Variants in TMC1 observed in about 807,000 individuals in gnomAD.
TMC1 encodes transmembrane channel-like protein 1.
In TMC1, 84 loss-of-function variants were observed where a neutral mutation model predicts 105.8. The observed-to-expected ratio is 0.79, with a 90% confidence interval of 0.67 to 0.95. TMC1 has a LOEUF of 0.95. TMC1 is among the 40% of genes least tolerant of loss of function. The pLI is 0.00. For synonymous variants in TMC1, 315 were observed against 311.5 expected (o/e 1.01, Z -0.12); for missense variants, 817 against 914.1 (o/e 0.89, Z 1.37).
At chr9:72,622,619 G>A (rs1825274119) in intron 3 of TMC1, among the ~76,000 whole-genome samples, 1 of 151,996 alleles carries the variant, frequency 6.6e-6, no homozygotes. Flanking sequence ...TCTTCCACTT[G>A]GACCTTGAAT....
chr9:72,599,704 G>A (rs1013582256), intron 2 of TMC1, among the ~76,000 whole-genome samples: 3 of 151,842 alleles, frequency 2.0e-5, no homozygotes, highest in African/African-American at 7.3e-5. Context: ...CAGCTACTCG[G>A]GAGGCTGAGG....
intron 2 of TMC1, among the ~76,000 whole-genome samples, chr9:72,606,406 A>G (rs1197645729): frequency 6.6e-6 from 1 of 152,208 alleles, no homozygotes; most frequent in Admixed American, 6.5e-5. Context: ...CCTCTGCCAC[A>G]TTCTGTTGGT....
chr9:72,704,226 C>T (rs887949696), intron 8 of TMC1, among the ~76,000 whole-genome samples: 1 of 151,336 alleles, frequency 6.6e-6, no homozygotes, highest in Middle Eastern at 3.2e-3. Flanking sequence ...TCTGTGAAAC[C>T]CAAGATACTA....
chr9:72,740,025 T>G, intron 8 of TMC1, 94 bp from the exon 9 acceptor site: 2 of 945,178 alleles, frequency 2.1e-6, no homozygotes, highest in South Asian at 2.8e-5. Context: ...GAAATAAGAC[T>G]GCAGACCTGG....
chr9:72,736,553 T>A (rs1363750953), intron 8 of TMC1, among the ~76,000 whole-genome samples: 1 of 152,218 alleles, frequency 6.6e-6, no homozygotes, highest in Admixed American at 6.5e-5. Flanking sequence ...GTCTTTTAAA[T>A]TATCTGTTAA....
intron 1 of TMC1, among the ~76,000 whole-genome samples, chr9:72,554,579 T>C (rs1823901668): frequency 6.6e-6 from 1 of 152,106 alleles, no homozygotes; most frequent in South Asian, 2.1e-4. Context: ...AGTAATAGAG[T>C]AACAGTGCAC....
Position 72,786,317 on chromosome 9 carries a change from G to C in TMC1, c.885-2022G>C, listed in dbSNP as rs548276161. Among the ~76,000 whole-genome samples the C allele has an allele frequency of 4.9e-3, 751 of 152,212 alleles. 6 individuals are homozygous for C. The highest frequency in any genetic ancestry group is 0.017 in the Middle Eastern group (5 of 294). On this transcript the variant is annotated intron_variant, in intron 13 of 23. Coordinates refer to ENST00000297784, the MANE Select transcript of TMC1 (RefSeq NM_138691.3). ...AAATTAGCCAGGCATGGTGGCGGGCGCCTGTAGTCCCAGCTACTCAGGAGG... is the reference window on the plus strand; with the variant it reads ...AAATTAGCCAGGCATGGTGGCGGGCCCCTGTAGTCCCAGCTACTCAGGAGG...
chr9:72,615,889 G>A lies in TMC1; in HGVS notation c.-305-479G>A, dbSNP rs568556642. On this transcript the variant is annotated intron_variant, in intron 2 of 23. Coordinates refer to ENST00000297784, the MANE Select transcript of TMC1 (RefSeq NM_138691.3). ...GTGCCTTAGCCTCCTGAGTAGCTGGGCTACAGGCGTCCGTCACCACACTCA... is the reference window on the plus strand; with the variant it reads ...GTGCCTTAGCCTCCTGAGTAGCTGGACTACAGGCGTCCGTCACCACACTCA... Among the ~76,000 whole-genome samples, 3 of 151,994 alleles carry A rather than the reference G, an allele frequency of 2.0e-5. No homozygotes were observed. In the East Asian group the frequency reaches 5.8e-4, roughly 30 times the overall value.
intron 3 of TMC1, among the ~76,000 whole-genome samples, chr9:72,618,372 T>C (rs1405259260): frequency 6.6e-6 from 1 of 152,038 alleles, no homozygotes; most frequent in East Asian, 1.9e-4. Context: ...GTTAGTATTT[T>C]CCATAATTAA....
chr9:72,634,828 T>TA, intron 4 of TMC1, among the ~76,000 whole-genome samples: 1 of 152,272 alleles, frequency 6.6e-6, no homozygotes, highest in Admixed American at 6.5e-5. Context: ...AAAAGGAAAT[T>TA]ACAACTCAGG....
chr9:72,668,229 A>C (rs886978883), intron 5 of TMC1, among the ~76,000 whole-genome samples: 4 of 152,160 alleles, frequency 2.6e-5, no homozygotes, highest in African/African-American at 9.7e-5. Context: ...CATTCCTATG[A>C]TGTTATTTGT....
intron 10 of TMC1, among the ~76,000 whole-genome samples, chr9:72,744,228 G>A (rs949681091): frequency 9.9e-5 from 15 of 152,000 alleles, no homozygotes; most frequent in Admixed American, 3.3e-4. Context: ...AACACTTACC[G>A]CTATCTAAAA....
chr9:72,736,809 A>G (rs2118002628), intron 8 of TMC1, among the ~76,000 whole-genome samples: 1 of 152,280 alleles, frequency 6.6e-6, no homozygotes, highest in East Asian at 1.9e-4. Context: ...TCCCGACACT[A>G]TGCAAAATTG....
chr9:72,725,337 A>T (rs1361355601), intron 8 of TMC1, among the ~76,000 whole-genome samples: 1 of 89,224 alleles, frequency 1.1e-5, no homozygotes, highest in Non-Finnish European at 2.1e-5. Context: ...ATATATATAT[A>T]TATATATATA....
At chr9:72,611,637 G>A (rs1476370641) in intron 2 of TMC1, among the ~76,000 whole-genome samples, 1 of 152,162 alleles carries the variant, frequency 6.6e-6, no homozygotes, top group Non-Finnish European at 1.5e-5. Flanking sequence ...TTGAAGGCTT[G>A]AATGGTAAGA....
At chr9:72,706,400 C>T (rs2589625) in intron 8 of TMC1, among the ~76,000 whole-genome samples, 34,655 of 152,098 alleles carry the variant, frequency 0.23, 4,287 homozygotes, top group East Asian at 0.39. Flanking sequence ...TTTTATATTT[C>T]CATAAGTTTT....
Position 72,740,075 on chromosome 9 carries a change from C to A in TMC1, c.363-44C>A, listed in dbSNP as rs143051143. 1,218 of 1,484,290 alleles carry A rather than the reference C, an allele frequency of 8.2e-4. 9 individuals are homozygous for A. In the African/African-American group the frequency reaches 0.015, roughly 18 times the overall value. 91.9% of individuals were successfully genotyped at this position (1,484,290 alleles called of 1,614,324 possible). ...CACTACTTCTGTATTCTAGTCATTG[C>A]AACTCACCTCCTTTTATCCCTTATG... On this transcript the variant is annotated intron_variant, in intron 8 of 23. Transcript: ENST00000297784.
intron 18 of TMC1, among the ~76,000 whole-genome samples, chr9:72,810,136 T>TAAAAAAAAAAAAAAAAAAAA (rs36058524): frequency 9.3e-6 from 1 of 108,006 alleles, no homozygotes; most frequent in African/African-American, 3.3e-5. Flanking sequence ...AGGCATAGAT[T>TAAAAAAAAAAAAAAAAAAAA]AAAAAAAAAA....
chr9:72,592,204 G>A (rs999153672), intron 2 of TMC1, among the ~76,000 whole-genome samples: 1 of 152,128 alleles, frequency 6.6e-6, no homozygotes, highest in Admixed American at 6.5e-5. Flanking sequence ...TGACATTCAG[G>A]AGACAGCCCT....
Sources: gnomAD v4.1 joint callset for allele counts (sites outside exome capture counted in the v4.1 genomes callset) on GRCh38, gnomAD v4.1.1 for gene constraint, MANE v1.5 for transcripts, NCBI Gene and HGNC (gene_info 2026-07-23, HGNC 2026-07-21) for gene names.